Variants in TRAPPC9 observed in about 807,000 individuals in gnomAD.
The protein encoded by TRAPPC9 is trafficking protein particle complex subunit 9, also known as IKK2 binding protein.
Under a neutral mutation model 124.0 loss-of-function variants are expected in TRAPPC9, and 83 were observed. The observed-to-expected ratio is 0.67, with a 90% confidence interval of 0.56 to 0.80. The LOEUF is 0.80. TRAPPC9 is among the 30% of genes least tolerant of loss of function. TRAPPC9 has a pLI of 0.00. For synonymous variants in TRAPPC9, 638 were observed against 617.5 expected, an observed-to-expected ratio of 1.03 and a Z score of -0.49; for missense variants, 1,302 against 1,508.3, an observed-to-expected ratio of 0.86 and a Z score of 2.27.
intron 21 of TRAPPC9, among the ~76,000 whole-genome samples, chr8:139,743,393 T>C (rs1299083342): frequency 1.3e-5 from 2 of 152,170 alleles, no homozygotes; most frequent in Non-Finnish European, 2.9e-5. Context: ...GATTTAAAAA[T>C]GTAAAGACAA....
chr8:139,737,719 G>A (rs1818294137), intron 21 of TRAPPC9, among the ~76,000 whole-genome samples: 1 of 152,186 alleles, frequency 6.6e-6, no homozygotes. Context: ...GCTGGAGAAC[G>A]GACTGTCTTG....
At chr8:139,790,970 C>T (rs1273682367) in intron 21 of TRAPPC9, among the ~76,000 whole-genome samples, 1 of 152,124 alleles carries the variant, frequency 6.6e-6, no homozygotes, top group Admixed American at 6.5e-5. Flanking sequence ...TACCTTCTGC[C>T]ATGAGTCAAA....
Position 140,241,700 on chromosome 8 carries a change from ATAAAAT to A in TRAPPC9, c.2431+11071_2431+11076del, listed in dbSNP as rs36220678. 0.19 allele frequency among the ~76,000 whole-genome samples: 29,396 copies of A among 151,904 alleles called. 3,989 individuals are homozygous for A. The highest frequency in any genetic ancestry group is 0.77 in the East Asian group (3,895 of 5,068). On this transcript the variant is annotated intron_variant, in intron 16 of 22. Coordinates refer to ENST00000438773, the MANE Select transcript of TRAPPC9 (RefSeq NM_001160372.4). The surrounding 1 kb of genome is among the most constrained non-coding windows in gnomAD (Gnocchi z 5.0). ...CAGTCCGAGACTCCATCTCAAAAAA[ATAAAAT>A]TAAAATTAAAAAGATTTTAAAAGAC...
At chr8:139,897,489 C>G (rs1474367395) in intron 20 of TRAPPC9, among the ~76,000 whole-genome samples, 2 of 152,200 alleles carry the variant, frequency 1.3e-5, no homozygotes, top group Non-Finnish European at 2.9e-5. Context: ...GCTTGTGGTT[C>G]CAAGCCCTGG....
intron 4 of TRAPPC9, 130 bp downstream of exon 4, chr8:140,434,982 A>C: frequency 6.8e-7 from 1 of 1,479,884 alleles, no homozygotes; most frequent in Non-Finnish European, 9.1e-7. Flanking sequence ...AAAAAAAAAA[A>C]AATTACTGAC....
chr8:140,096,039 G>A lies in TRAPPC9; in HGVS notation c.2557-71960C>T, dbSNP rs1371210437. 10 of 152,350 alleles carry A rather than the reference G, an allele frequency of 6.6e-5. No homozygotes were observed. In the East Asian group the frequency reaches 1.9e-3, roughly 29 times the overall value. The allele number at this position is 152,350 out of a possible 1,614,324, so 9.4% of individuals were successfully genotyped here. On this transcript the variant is annotated intron_variant, in intron 17 of 22. Transcript: ENST00000438773. ...GCTCTGTATCAAGAGTATACCACGT[G>A]AGGGAGGGCGCACATTCCACCTAGT...
intron 6 of TRAPPC9, 59 bp downstream of exon 6, chr8:140,405,518 G>T: frequency 6.3e-7 from 1 of 1,588,650 alleles, no homozygotes; most frequent in Admixed American, 1.7e-5. Context: ...AATGTAAAAT[G>T]GAAACTTCTG....
intron 2 of TRAPPC9, among the ~76,000 whole-genome samples, chr8:140,445,661 C>T (rs1053518006): frequency 7.2e-5 from 11 of 152,236 alleles, no homozygotes; most frequent in Non-Finnish European, 1.3e-4. Flanking sequence ...TGGACAGCTA[C>T]GACTTCCTGT....
At chr8:139,970,959 C>G (rs1042413598) in intron 19 of TRAPPC9, among the ~76,000 whole-genome samples, 1 of 151,766 alleles carries the variant, frequency 6.6e-6, no homozygotes, top group Admixed American at 6.6e-5. Flanking sequence ...TGAACGGCAA[C>G]CCCACCTGCC....
At chr8:140,126,447 G>T (rs2061099762) in intron 17 of TRAPPC9, among the ~76,000 whole-genome samples, 1 of 152,164 alleles carries the variant, frequency 6.6e-6, no homozygotes, top group Non-Finnish European at 1.5e-5. Flanking sequence ...AACGTCGGTG[G>T]AAGGGAATTC....
At chr8:139,846,035 G>A (rs929892720) in intron 21 of TRAPPC9, among the ~76,000 whole-genome samples, 4 of 152,244 alleles carry the variant, frequency 2.6e-5, no homozygotes, top group Non-Finnish European at 2.9e-5. Flanking sequence ...GAAACATGGA[G>A]GAAGAGGTGG....
chr8:140,320,520 G>T (rs888330297), intron 9 of TRAPPC9, among the ~76,000 whole-genome samples: 1 of 152,166 alleles, frequency 6.6e-6, no homozygotes, highest in Admixed American at 6.5e-5. Flanking sequence ...AGCTGCAGAC[G>T]GGAACTCAGG....
At chr8:139,743,311 C>G in intron 21 of TRAPPC9, among the ~76,000 whole-genome samples, 1 of 152,244 alleles carries the variant, frequency 6.6e-6, no homozygotes, top group East Asian at 1.9e-4. Flanking sequence ...CCCCACAACT[C>G]TACTCTCCAA....
intron 18 of TRAPPC9, among the ~76,000 whole-genome samples, chr8:140,018,799 T>C (rs1208541788): frequency 1.3e-5 from 2 of 152,222 alleles, no homozygotes; most frequent in African/African-American, 4.8e-5. Flanking sequence ...ATTTCCTATT[T>C]TAATACCCTT....
At chr8:139,927,191 C>A (rs912156810) in intron 19 of TRAPPC9, among the ~76,000 whole-genome samples, 1 of 152,056 alleles carries the variant, frequency 6.6e-6, no homozygotes, top group Non-Finnish European at 1.5e-5. Context: ...GGTGGAAGAA[C>A]GAGAACTCTC....
chr8:139,731,981 C>T lies in TRAPPC9; in HGVS notation c.3277G>A (p.Ala1093Thr), dbSNP rs755892862. 9 of 1,576,024 alleles carry T rather than the reference C, an allele frequency of 5.7e-6. No individual in the cohort carries two copies. Among genetic ancestry groups the T allele is most frequent in the South Asian group, 3.5e-5 (3 of 85,940 alleles). The change falls in exon 22 of 23, where the codon GCG (alanine) becomes ACG (threonine). Residue 1093 changes from alanine to threonine, a missense_variant and splice_region_variant. By Grantham distance (58) the Ala-to-Thr change is moderately conservative (BLOSUM62 0). Coordinates refer to ENST00000438773, the MANE Select transcript of TRAPPC9 (RefSeq NM_001160372.4). ...CCGCCTTGCACACCACCACGCACCG[C>T]GTCGAGGTAGAAGGTGCTGGAGCCC... The part of the protein sequence containing the change: ...FVGSSTFYLD[A>T]VQPSGQSACL...
At position 140,385,312 on chromosome 8, in the gene TRAPPC9, C is replaced by T. The variant is rs561076017; in HGVS notation, c.1134+12308G>A. On this transcript the variant is annotated intron_variant, in intron 7 of 22. Transcript: ENST00000438773. ...AAAGCTAGCAGAAAGCAAGAAATAA[C>T]TAAGATCAGAGCAGAACTGAAGGAG... Among the ~76,000 whole-genome samples, 37 of 152,256 alleles carry T rather than the reference C, an allele frequency of 2.4e-4. 1 individual carries two copies. Among genetic ancestry groups the T allele is most frequent in the Admixed American group, 1.5e-3 (23 of 15,294 alleles).
intron 18 of TRAPPC9, among the ~76,000 whole-genome samples, chr8:140,014,088 G>T (rs1041690489): frequency 2.0e-5 from 3 of 152,160 alleles, no homozygotes; most frequent in Admixed American, 1.3e-4. Flanking sequence ...TGGGTGAGCT[G>T]TCCCCACCAC....
At chr8:140,117,532 T>A (rs1384816168) in intron 17 of TRAPPC9, among the ~76,000 whole-genome samples, 1 of 152,080 alleles carries the variant, frequency 6.6e-6, no homozygotes, top group African/African-American at 2.4e-5. Flanking sequence ...GAGAGCCCAC[T>A]CCCCAAAGCT....
Sources: allele counts gnomAD v4.1 joint callset (sites outside exome capture counted in the v4.1 genomes callset), GRCh38; gene constraint gnomAD v4.1.1; non-coding constraint Gnocchi (gnomAD v3.1); transcripts MANE v1.5; gene names NCBI Gene and HGNC (gene_info 2026-07-23, HGNC 2026-07-21).